The following ITGA9 variants were observed in gnomAD, a reference collection of about 807,000 sequenced individuals.
The protein encoded by ITGA9 is integrin subunit alpha 9.
In ITGA9, 56 loss-of-function variants were observed where a neutral mutation model predicts 127.8. The ratio of observed to expected loss-of-function variants is 0.44; its 90% CI spans 0.35 to 0.55. The LOEUF is 0.55. Ranked by LOEUF, ITGA9 falls within the 20% of genes least tolerant of loss-of-function variation. The pLI is 0.00. For missense variants in ITGA9, 1,196 were observed against 1,347.1 expected, an observed-to-expected ratio of 0.89 and a Z score of 1.76; for synonymous variants, 508 against 514.5, an observed-to-expected ratio of 0.99 and a Z score of 0.17.
intron 15 of ITGA9, among the ~76,000 whole-genome samples, chr3:37,596,084 A>G (rs1699866960): frequency 6.6e-6 from 1 of 152,222 alleles, no homozygotes; most frequent in South Asian, 2.1e-4. Context: ...TAAAAATCAA[A>G]TAACTGTGAA....
At chr3:37,692,128 A>T (rs930984648) in intron 18 of ITGA9, among the ~76,000 whole-genome samples, 3 of 152,078 alleles carry the variant, frequency 2.0e-5, no homozygotes, top group Non-Finnish European at 2.9e-5. Flanking sequence ...TGTGCCAAGG[A>T]TTAAATGAGT....
At chr3:37,803,968 C>T (rs1400588575) in intron 27 of ITGA9, 26 bp downstream of exon 27, 2 of 1,613,740 alleles carry the variant, frequency 1.2e-6, no homozygotes, top group South Asian at 1.1e-5. Flanking sequence ...GCAGGTCCCC[C>T]TGGGGTCCCC....
intron 14 of ITGA9, among the ~76,000 whole-genome samples, chr3:37,542,145 A>G (rs1403887827): frequency 6.6e-6 from 1 of 152,102 alleles, no homozygotes; most frequent in Non-Finnish European, 1.5e-5. Flanking sequence ...CTCAGTTGAT[A>G]CCTCATGATG....
chr3:37,496,033 G>A (rs1698724440), intron 5 of ITGA9, among the ~76,000 whole-genome samples: 1 of 152,248 alleles, frequency 6.6e-6, no homozygotes, highest in African/African-American at 2.4e-5. Flanking sequence ...CATGGGACAT[G>A]GGGGGTGGAG....
intron 12 of ITGA9, 92 bp from the exon 13 acceptor site, chr3:37,525,934 G>C: frequency 1.9e-6 from 2 of 1,026,256 alleles, no homozygotes; most frequent in East Asian, 2.4e-5. Flanking sequence ...CGGCCTCAAG[G>C]CTGGGTCTCC....
At chr3:37,675,729 A>G (rs1014396233) in intron 17 of ITGA9, among the ~76,000 whole-genome samples, 1 of 149,082 alleles carries the variant, frequency 6.7e-6, no homozygotes, top group African/African-American at 2.5e-5. Context: ...AATATGATCA[A>G]TTTTTAAAAA....
At chr3:37,817,456 G>GC (rs1697449356) in intron 27 of ITGA9, among the ~76,000 whole-genome samples, 1 of 152,254 alleles carries the variant, frequency 6.6e-6, no homozygotes, top group Admixed American at 6.5e-5. Context: ...AAAAACTGTT[G>GC]GAGAGCAGGG....
At chr3:37,563,622 G>A (rs1244561067) in intron 15 of ITGA9, among the ~76,000 whole-genome samples, 1 of 152,134 alleles carries the variant, frequency 6.6e-6, no homozygotes, top group African/African-American at 2.4e-5. Flanking sequence ...GAGCATCTTG[G>A]GTCACCTAAC....
rs368577036 is a variant in ITGA9 at position 37,518,093 on chromosome 3, C to CGCGTGT, written c.1141+485_1141+486insCGTGTG. On this transcript the variant is annotated intron_variant, in intron 10 of 27. Transcript: ENST00000264741. ...CTAGATTGACTTTTGAGAGTGTACGCGTGTGTGTGTGTGTGTGTGTGTGTG... is the reference window on the plus strand; with the variant it reads ...CTAGATTGACTTTTGAGAGTGTACGCGCGTGTGTGTGTGTGTGTGTGTGTGTGTGTG... Among the ~76,000 whole-genome samples the CGCGTGT allele has an allele frequency of 4.2e-4, 61 of 144,210 alleles. 1 individual carries two copies. In the South Asian group the frequency reaches 5.5e-3, roughly 13 times the overall value. The allele number at this position is 144,210 out of a possible 152,430, so 94.6% of individuals were successfully genotyped here. A position where few individuals can be genotyped will look rare whatever the true frequency, so the allele number is the denominator to read the frequency against.
intron 16 of ITGA9, among the ~76,000 whole-genome samples, chr3:37,634,681 T>C (rs1700261438): frequency 6.6e-6 from 1 of 152,204 alleles, no homozygotes; most frequent in African/African-American, 2.4e-5. Flanking sequence ...CTTTCTGCAA[T>C]GGACAGATCA....
At chr3:37,720,977 C>A (rs115175413) in intron 18 of ITGA9, among the ~76,000 whole-genome samples, 1 of 152,222 alleles carries the variant, frequency 6.6e-6, no homozygotes, top group Non-Finnish European at 1.5e-5. Context: ...TTCCTCAGGG[C>A]CAAGTGGACT....
chr3:37,761,795 A>G (rs1048252302), intron 23 of ITGA9, among the ~76,000 whole-genome samples: 6 of 152,184 alleles, frequency 3.9e-5, no homozygotes, highest in Non-Finnish European at 8.8e-5. Context: ...TAAAGAAGCC[A>G]GCTGAAGACA....
intron 26 of ITGA9, among the ~76,000 whole-genome samples, chr3:37,801,961 C>T (rs1202334259): frequency 6.6e-6 from 1 of 152,158 alleles, no homozygotes; most frequent in Non-Finnish European, 1.5e-5. Flanking sequence ...CTTTCCTTAT[C>T]ACCAGGGAAG....
intron 15 of ITGA9, among the ~76,000 whole-genome samples, chr3:37,583,836 A>G (rs1029258648): frequency 2.0e-5 from 3 of 152,246 alleles, no homozygotes; most frequent in African/African-American, 7.2e-5. Flanking sequence ...CTGAGAGGTT[A>G]TATAATCACT....
intron 18 of ITGA9, among the ~76,000 whole-genome samples, chr3:37,720,884 T>A (rs1701183328): frequency 6.6e-6 from 1 of 152,232 alleles, no homozygotes; most frequent in Non-Finnish European, 1.5e-5. Context: ...ACGAGACAGC[T>A]TATTCAAGTG....
chr3:37,481,099 T>C (rs952379815), intron 3 of ITGA9, among the ~76,000 whole-genome samples: 3 of 152,172 alleles, frequency 2.0e-5, no homozygotes, highest in African/African-American at 7.2e-5. Flanking sequence ...CGATGTATCC[T>C]TTACATTCTG....
At chr3:37,715,357 A>G (rs770315590) in intron 18 of ITGA9, among the ~76,000 whole-genome samples, 5 of 152,218 alleles carry the variant, frequency 3.3e-5, no homozygotes, top group Non-Finnish European at 7.3e-5. Flanking sequence ...GCACCACTTG[A>G]TAAGTGGTAG....
chr3:37,722,038 C>T (rs1375291037), intron 18 of ITGA9, among the ~76,000 whole-genome samples: 1 of 152,176 alleles, frequency 6.6e-6, no homozygotes, highest in Non-Finnish European at 1.5e-5. Flanking sequence ...AGCAGGGCTC[C>T]GCATGGCCTG....
intron 21 of ITGA9, among the ~76,000 whole-genome samples, chr3:37,742,717 A>C (rs1267582144): frequency 6.6e-6 from 1 of 152,110 alleles, no homozygotes; most frequent in Non-Finnish European, 1.5e-5. Flanking sequence ...TTAGCAGTAG[A>C]AATGTTGATC....
Sources: allele counts gnomAD v4.1 joint callset (sites outside exome capture counted in the v4.1 genomes callset), GRCh38; gene constraint gnomAD v4.1.1; transcripts MANE v1.5; gene names NCBI Gene and HGNC (gene_info 2026-07-23, HGNC 2026-07-21).